Variants in CALN1 observed in about 807,000 individuals in gnomAD.
CALN1 encodes calneuron 1.
In CALN1, 17 loss-of-function variants were observed where a neutral mutation model predicts 30.6. The ratio of observed to expected loss-of-function variants is 0.56; its 90% CI spans 0.38 to 0.83. The LOEUF (loss-of-function observed/expected upper bound fraction) is 0.83. Ranked by LOEUF, CALN1 falls within the 40% of genes least tolerant of loss-of-function variation. The pLI is 0.00. For missense variants in CALN1, 291 were observed against 354.9 expected, an observed-to-expected ratio of 0.82 and a Z score of 1.45; for synonymous variants, 156 against 131.4, an observed-to-expected ratio of 1.19 and a Z score of -1.28.
intron 1 of CALN1, among the ~76,000 whole-genome samples, chr7:72,429,017 C>T (rs551278795): frequency 2.6e-5 from 4 of 152,248 alleles, no homozygotes; most frequent in Admixed American, 1.3e-4. Context: ...AGCTGCTGTC[C>T]GGCCTGGCTA....
intron 5 of CALN1, among the ~76,000 whole-genome samples, chr7:71,899,144 T>C (rs1235356629): frequency 7.1e-6 from 1 of 139,914 alleles, no homozygotes; most frequent in African/African-American, 2.8e-5. Flanking sequence ...TGCAGAGACA[T>C]CTTTTTTTTT....
chr7:72,080,739 A>C (rs1805080033), intron 4 of CALN1, among the ~76,000 whole-genome samples: 1 of 152,154 alleles, frequency 6.6e-6, no homozygotes, highest in South Asian at 2.1e-4. Flanking sequence ...GTATGCTCTG[A>C]TAGGTCAGAG....
At chr7:72,234,548 G>A (rs1159170173) in intron 3 of CALN1, among the ~76,000 whole-genome samples, 4 of 152,198 alleles carry the variant, frequency 2.6e-5, no homozygotes, top group Non-Finnish European at 4.4e-5. Context: ...CCAGGTTCAA[G>A]TGATTCTTCT....
chr7:72,045,205 G>T (rs1053611018), intron 4 of CALN1, among the ~76,000 whole-genome samples: 1 of 152,158 alleles, frequency 6.6e-6, no homozygotes, highest in Admixed American at 6.5e-5. Flanking sequence ...GTCTCTGCAG[G>T]CACTACTAGA....
At chr7:72,019,957 G>A (rs930860220) in intron 5 of CALN1, among the ~76,000 whole-genome samples, 5 of 152,222 alleles carry the variant, frequency 3.3e-5, no homozygotes, top group Admixed American at 6.5e-5. Context: ...CCTTGCTAGA[G>A]TCTCTTAAGT....
intron 5 of CALN1, among the ~76,000 whole-genome samples, chr7:71,954,714 C>G (rs1796869614): frequency 6.6e-6 from 1 of 152,126 alleles, no homozygotes; most frequent in African/African-American, 2.4e-5. Flanking sequence ...TGGTGGTCAT[C>G]AGTGACCTCC....
intron 5 of CALN1, among the ~76,000 whole-genome samples, chr7:71,979,445 T>C (rs888460756): frequency 3.3e-5 from 5 of 152,142 alleles, no homozygotes; most frequent in South Asian, 2.1e-4. Context: ...ATAAGGAGCG[T>C]GCAACCTAGA....
chr7:71,887,680 A>G (rs1056069997), intron 5 of CALN1, among the ~76,000 whole-genome samples: 1 of 152,098 alleles, frequency 6.6e-6, no homozygotes, highest in Non-Finnish European at 1.5e-5. Context: ...TCTCTGCAAA[A>G]GTCAAAGCAA....
At chr7:72,033,993 G>C (rs1427620419) in intron 4 of CALN1, among the ~76,000 whole-genome samples, 1 of 152,122 alleles carries the variant, frequency 6.6e-6, no homozygotes, top group African/African-American at 2.4e-5. Context: ...CAACTGACTG[G>C]AAGGGCAGGA....
intron 3 of CALN1, among the ~76,000 whole-genome samples, chr7:72,259,313 A>C (rs1246035351): frequency 6.6e-6 from 1 of 152,014 alleles, no homozygotes; most frequent in East Asian, 1.9e-4. Flanking sequence ...AAACACTTTG[A>C]GTCCCAGAAA....
At chr7:72,223,193 G>A (rs1010726212) in intron 3 of CALN1, among the ~76,000 whole-genome samples, 2 of 152,126 alleles carry the variant, frequency 1.3e-5, no homozygotes, top group African/African-American at 4.8e-5. Flanking sequence ...TCAGGCAGAG[G>A]AGAAGAGGGG....
intron 5 of CALN1, among the ~76,000 whole-genome samples, chr7:71,907,729 T>G (rs1229917474): frequency 6.6e-6 from 1 of 152,248 alleles, no homozygotes; most frequent in Non-Finnish European, 1.5e-5. Context: ...TAGTGCCCTA[T>G]CTGTGAATTC....
chr7:71,988,744 A>G (rs1214845613), intron 5 of CALN1, among the ~76,000 whole-genome samples: 1 of 152,178 alleles, frequency 6.6e-6, no homozygotes, highest in Non-Finnish European at 1.5e-5. Context: ...GCTGGTTCAC[A>G]AGAAATCTGA....
chr7:72,022,135 T>G (rs571664134), intron 5 of CALN1, among the ~76,000 whole-genome samples: 2 of 152,334 alleles, frequency 1.3e-5, no homozygotes, highest in South Asian at 4.1e-4. Flanking sequence ...ATTCCACCCA[T>G]ACTTCAAGGT....
chr7:71,978,846 A>G (rs1172643045), intron 5 of CALN1, among the ~76,000 whole-genome samples: 3 of 152,228 alleles, frequency 2.0e-5, no homozygotes, highest in Non-Finnish European at 4.4e-5. Flanking sequence ...GAAACTGCGG[A>G]AAAGACTTAT....
rs576368079 is a variant in CALN1 at position 71,963,223 on chromosome 7, C to T, written c.501+60434G>A. On this transcript the variant is annotated intron_variant, in intron 5 of 6. Transcript: ENST00000395275. ...TGTCACCCAGGCTGGAGTGCGGCGG[C>T]GCGATCTCGGCTCACTGCAACCTCC... 1.5e-4 allele frequency among the ~76,000 whole-genome samples: 23 copies of T among 152,200 alleles called. No homozygotes were observed. In the South Asian group the frequency reaches 1.9e-3, roughly 12 times the overall value.
At chr7:71,859,542 T>C (rs1791152757) in intron 5 of CALN1, among the ~76,000 whole-genome samples, 1 of 152,234 alleles carries the variant, frequency 6.6e-6, no homozygotes, top group Non-Finnish European at 1.5e-5. Context: ...CTATATGAGT[T>C]TGAGACTGTA....
At chr7:72,338,903 GTT>G (rs113269740) in intron 2 of CALN1, among the ~76,000 whole-genome samples, 10 of 140,686 alleles carry the variant, frequency 7.1e-5, no homozygotes, top group African/African-American at 1.6e-4. Flanking sequence ...ATTCTAACTT[GTT>G]TTTTTTTTTT....
At chr7:72,120,936 T>C (rs1412651129) in intron 3 of CALN1, among the ~76,000 whole-genome samples, 1 of 151,722 alleles carries the variant, frequency 6.6e-6, no homozygotes, top group East Asian at 1.9e-4. Flanking sequence ...CAGGACTCAG[T>C]GAGGGGAAAA....
Sources: allele counts gnomAD v4.1 joint callset (sites outside exome capture counted in the v4.1 genomes callset), GRCh38; gene constraint gnomAD v4.1.1; transcripts MANE v1.5; gene names NCBI Gene and HGNC (gene_info 2026-07-23, HGNC 2026-07-21).